Variants in ANKRD30A observed in about 807,000 individuals in gnomAD.
ANKRD30A encodes ankyrin repeat domain 30A.
In ANKRD30A, 170 loss-of-function variants were observed where a neutral mutation model predicts 166.3. The ratio of observed to expected loss-of-function variants is 1.02; its 90% confidence interval spans 0.90 to 1.16. The LOEUF (loss-of-function observed/expected upper bound fraction) is 1.16. ANKRD30A is among the 50% of genes most tolerant of loss of function. The pLI is 0.00. For synonymous variants in ANKRD30A, 564 were observed against 508.9 expected, an observed-to-expected ratio of 1.11 and a Z score of -1.46; for missense variants, 1,630 against 1,518.0, an observed-to-expected ratio of 1.07 and a Z score of -1.23.
intron 31 of ANKRD30A, 57 bp downstream of exon 31, chr10:37,201,382 G>A: frequency 7.5e-7 from 1 of 1,340,526 alleles, no homozygotes; most frequent in Non-Finnish European, 1.0e-6. Flanking sequence ...CTAAAATGAT[G>A]AGGAAGGATA....
intron 8 of ANKRD30A, among the ~76,000 whole-genome samples, chr10:37,146,265 G>A (rs1837505185): frequency 6.6e-6 from 1 of 152,206 alleles, no homozygotes; most frequent in Non-Finnish European, 1.5e-5. Context: ...TCCATCAGCA[G>A]ATATTTTATC....
At chr10:37,255,665 G>A in the ANKRD30A span, among the ~76,000 whole-genome samples, 1 of 152,086 alleles carries the variant, frequency 6.6e-6, no homozygotes, top group Non-Finnish European at 1.5e-5. Flanking sequence ...GAGCTCCTGA[G>A]AGGAATAAAT....
At chr10:37,166,455 G>A (rs1839354378) in intron 18 of ANKRD30A, 150 bp from the exon 19 acceptor site, 3 of 713,834 alleles carry the variant, frequency 4.2e-6, no homozygotes, top group Admixed American at 3.3e-5. Context: ...ATCAAAATGT[G>A]TTTGTTTTCT....
At chr10:37,256,855 C>CT in the ANKRD30A span, among the ~76,000 whole-genome samples, 1 of 152,066 alleles carries the variant, frequency 6.6e-6, no homozygotes, top group Non-Finnish European at 1.5e-5. Flanking sequence ...CTGAAGTTTT[C>CT]TTTTTTTGTT....
chr10:37,152,877 T>C (rs536011470), intron 12 of ANKRD30A, among the ~76,000 whole-genome samples: 148 of 152,194 alleles, frequency 9.7e-4, no homozygotes, highest in Non-Finnish European at 1.9e-3. Context: ...AAGGTGGAAG[T>C]CAATAGGTAG....
rs754452243 is a variant in ANKRD30A, at chr10:37,158,611, C to T, written c.1900+25C>T. ...GGTAAATTTTGTAATTTTAATTTTA[C>T]TCTGGAAAGGAGAATATTAAAATAT... On this transcript the variant is annotated intron_variant, in intron 15 of 35. Transcript: ENST00000361713. 26 of 1,610,466 alleles carry T rather than the reference C, an allele frequency of 1.6e-5. No individual in the cohort carries two copies. In the East Asian group the frequency reaches 5.1e-4, roughly 32 times the overall value.
At chr10:37,161,987 A>C (rs1838929154) in intron 15 of ANKRD30A, among the ~76,000 whole-genome samples, 2 of 152,152 alleles carry the variant, frequency 1.3e-5, no homozygotes, top group East Asian at 1.9e-4. Flanking sequence ...TATTGCAATA[A>C]ATTTTTATAT....
At chr10:37,265,595 G>A in the ANKRD30A span, among the ~76,000 whole-genome samples, 4 of 152,198 alleles carry the variant, frequency 2.6e-5, no homozygotes, top group African/African-American at 4.8e-5. Context: ...GCCTGCCTGG[G>A]CCTCCTTCCA....
chr10:37,148,784 T>C (rs1837695488), intron 9 of ANKRD30A, among the ~76,000 whole-genome samples: 1 of 152,086 alleles, frequency 6.6e-6, no homozygotes, highest in Admixed American at 6.6e-5. Flanking sequence ...AACATTGGCT[T>C]TATATTTTAA....
chr10:37,132,264 TCCATAA>T lies in ANKRD30A; in HGVS notation c.537_542del (p.Ile180_Thr181del). On this transcript the variant is annotated inframe_deletion, in exon 4 of 36. Transcript: ENST00000361713. ...GGCTAGCCTCACACCACTTTTACTATCCATAACGAAAAGAAGTGAGCAAATTGTGGA... is the reference window on the plus strand; with the variant it reads ...GGCTAGCCTCACACCACTTTTACTATCGAAAAGAAGTGAGCAAATTGTGGA... The T allele has an allele frequency of 6.2e-7, 1 of 1,602,738 alleles. No individual in the cohort carries two copies. The highest frequency in any genetic ancestry group is 8.5e-7 in the Non-Finnish European group (1 of 1,175,668).
rs1423755358 is a variant in ANKRD30A at position 37,130,470 on chromosome 10, A to G, written c.510+92A>G. The G allele has an allele frequency of 2.0e-5, 20 of 1,001,700 alleles. No individual in the cohort carries two copies. The Admixed American group carries it at 2.1e-4, about 11-fold the overall frequency. 62.1% of individuals were successfully genotyped at this position (1,001,700 alleles called of 1,614,324 possible). ...AGGTTTTTTATATTTGGAAGCTCAAACATTCCTTGAATGAAAATAGTTTGA... is the reference window on the plus strand; with the variant it reads ...AGGTTTTTTATATTTGGAAGCTCAAGCATTCCTTGAATGAAAATAGTTTGA... On this transcript the variant is annotated intron_variant, in intron 3 of 35. Coordinates refer to ENST00000361713, the MANE Select transcript of ANKRD30A (RefSeq NM_052997.3).
Position 37,192,159 on chromosome 10 carries a change from C to T in ANKRD30A, c.2513-905C>T, listed in dbSNP as rs190502102. ...TCAAGTGATTCTGGCACCTCAGGCA[C>T]CCAAGTAGCTGAGATTACAGGCCTG... On this transcript the variant is annotated intron_variant, in intron 25 of 35. Coordinates refer to ENST00000361713, the MANE Select transcript of ANKRD30A (RefSeq NM_052997.3). 1.8e-4 allele frequency among the ~76,000 whole-genome samples: 28 copies of T among 152,078 alleles called. 1 individual carries two copies. The highest frequency in any genetic ancestry group is 6.8e-4 in the African/African-American group (28 of 41,438).
intron 1 of ANKRD30A, among the ~76,000 whole-genome samples, chr10:37,126,915 C>T (rs1420233755): frequency 1.3e-4 from 19 of 151,668 alleles, no homozygotes; most frequent in Admixed American, 9.9e-4. Context: ...GGCATGATGT[C>T]GGGTGCCTGT....
chr10:37,191,856 G>T (rs369928802), intron 25 of ANKRD30A, among the ~76,000 whole-genome samples: 1 of 151,896 alleles, frequency 6.6e-6, no homozygotes, highest in Non-Finnish European at 1.5e-5. Flanking sequence ...TCAGCCGGGC[G>T]TGGTGGTGGG....
rs879141759 is a variant in ANKRD30A, at chr10:37,147,413, A to G, written c.1499A>G (p.Glu500Gly). ...SSAKIQVCIP[E>G]SIYQKVMEIN... Reference sequence around the variant, plus strand: ...GCAAAGATTCAAGTGTGTATACCTGAGTCTATATATCAAAAAGTAATGGAG... The same window carrying G: ...GCAAAGATTCAAGTGTGTATACCTGGGTCTATATATCAAAAAGTAATGGAG... The change falls in exon 9 of 36, where the codon GAG becomes GGG. Residue 500 changes from glutamate to glycine, a missense_variant. Glu to Gly is a moderately conservative substitution (Grantham distance 98). Transcript: ENST00000361713. 3.8e-6 allele frequency: 6 copies of G among 1,597,008 alleles called. No homozygotes were observed. The Admixed American group carries it at 7.1e-5, about 19-fold the overall frequency.
intron 24 of ANKRD30A, among the ~76,000 whole-genome samples, chr10:37,178,732 G>A (rs1274443354): frequency 1.3e-5 from 2 of 150,398 alleles, no homozygotes; most frequent in South Asian, 2.1e-4. Context: ...ATTTTAACAG[G>A]TGTCGAATGG....
intron 29 of ANKRD30A, among the ~76,000 whole-genome samples, chr10:37,197,972 G>T (rs188882466): frequency 1.3e-5 from 2 of 152,050 alleles, no homozygotes; most frequent in Admixed American, 6.6e-5. Flanking sequence ...GTGTGTCTGC[G>T]TGTGTGCCTG....
chr10:37,153,466 A>G lies in ANKRD30A; in HGVS notation c.1708-106A>G, dbSNP rs1838115260. On this transcript the variant is annotated intron_variant, in intron 12 of 35. Transcript: ENST00000361713. Reference sequence around the variant, plus strand: ...CTGCACTTAAGTCGAATTGTTTGCAAAGGAGGAAATTGTGTTTTTAAAAAA... The same window carrying G: ...CTGCACTTAAGTCGAATTGTTTGCAGAGGAGGAAATTGTGTTTTTAAAAAA... 29 of 1,539,842 alleles carry G rather than the reference A, an allele frequency of 1.9e-5. No individual in the cohort carries two copies. The East Asian group carries it at 6.6e-4, about 35-fold the overall frequency.
intron 24 of ANKRD30A, among the ~76,000 whole-genome samples, chr10:37,178,018 A>C (rs1186095325): frequency 3.3e-5 from 5 of 150,754 alleles, no homozygotes; most frequent in African/African-American, 4.9e-5. Flanking sequence ...GAAAGAAGAA[A>C]GTAGTAATAG....
Sources: gnomAD v4.1 joint callset for allele counts (sites outside exome capture counted in the v4.1 genomes callset) on GRCh38, gnomAD v4.1.1 for gene constraint, MANE v1.5 for transcripts, NCBI Gene and HGNC (gene_info 2026-07-23, HGNC 2026-07-21) for gene names.